The following NFATC1 variants were observed in gnomAD, a reference collection of about 807,000 sequenced individuals.
The protein encoded by NFATC1 is nuclear factor of activated T cells 1.
Under a neutral mutation model 76.0 loss-of-function variants are expected in NFATC1, and 22 were observed. The observed-to-expected ratio is 0.29, with a 90% CI of 0.21 to 0.41. The LOEUF (loss-of-function observed/expected upper bound fraction) is 0.41, where lower values mean the gene tolerates loss of function less well. Ranked by LOEUF, NFATC1 falls within the 10% of genes least tolerant of loss-of-function variation. The pLI is 1.00. For synonymous variants in NFATC1, 704 were observed against 613.1 expected (o/e 1.15, Z -2.19); for missense variants, 1,357 against 1,337.7 (o/e 1.01, Z -0.23).
intron 9 of NFATC1, among the ~76,000 whole-genome samples, chr18:79,504,700 G>A (rs1209549346): frequency 6.6e-6 from 1 of 152,290 alleles, no homozygotes; most frequent in Non-Finnish European, 1.5e-5. Context: ...AGCAGTGTCT[G>A]AAGCACAGTG....
chr18:79,419,546 C>T (rs1253751682), intron 2 of NFATC1, among the ~76,000 whole-genome samples: 3 of 144,194 alleles, frequency 2.1e-5, no homozygotes, highest in East Asian at 2.0e-4. Context: ...CCTGCCTGCC[C>T]GGGAGCCCCC....
chr18:79,424,914 G>A (rs146271798), intron 2 of NFATC1, among the ~76,000 whole-genome samples: 4 of 71,070 alleles, frequency 5.6e-5, no homozygotes, highest in African/African-American at 1.5e-4. Flanking sequence ...TTTCTCTGTC[G>A]CTCTGTCTCT....
At chr18:79,416,373 T>G (rs1485904192) in intron 2 of NFATC1, among the ~76,000 whole-genome samples, 4 of 152,188 alleles carry the variant, frequency 2.6e-5, no homozygotes, top group Non-Finnish European at 5.9e-5. Flanking sequence ...GTGGCTCTGG[T>G]ACCTGAGGGG....
At chr18:79,404,334 A>C (rs1414248405) in intron 1 of NFATC1, among the ~76,000 whole-genome samples, 1 of 152,182 alleles carries the variant, frequency 6.6e-6, no homozygotes, top group East Asian at 1.9e-4. Context: ...TCTCGCTGGC[A>C]GATTGTTGGG....
chr18:79,439,393 G>C (rs1322577128), intron 3 of NFATC1, among the ~76,000 whole-genome samples: 1 of 151,872 alleles, frequency 6.6e-6, no homozygotes, highest in Non-Finnish European at 1.5e-5. Context: ...GGACGCCGTG[G>C]GGTGGAAACT....
At position 79,528,377 on chromosome 18, in the gene NFATC1, A is replaced by G. The variant is rs1302790203; in HGVS notation, c.*800A>G. On this transcript the variant is annotated 3_prime_UTR_variant, in exon 10 of 10. Coordinates refer to ENST00000427363, the MANE Select transcript of NFATC1 (RefSeq NM_001278669.2). ...AGCCTGCATTTGCATGTGTGTACAT[A>G]TCTAGGCATCTATTTATGTATAAAT... 1.3e-5 allele frequency: 2 copies of G among 154,286 alleles called. No individual in the cohort carries two copies. Among genetic ancestry groups the G allele is most frequent in the Non-Finnish European group, 2.9e-5 (2 of 69,508 alleles). The allele number at this position is 154,286 out of a possible 1,614,324, so 9.6% of individuals were successfully genotyped here.
At chr18:79,420,390 G>C (rs868422125) in intron 2 of NFATC1, among the ~76,000 whole-genome samples, 56 of 142,602 alleles carry the variant, frequency 3.9e-4, no homozygotes, top group Non-Finnish European at 6.3e-4. Flanking sequence ...GGAGGGTCGC[G>C]TTTCCAGGCG....
rs531912377 is a variant in NFATC1, at chr18:79,472,083, C to T, written c.2092+4501C>T. Among the ~76,000 whole-genome samples, 7 of 152,040 alleles carry T rather than the reference C, an allele frequency of 4.6e-5. No homozygotes were observed. The South Asian group carries it at 8.3e-4, about 18-fold the overall frequency. On this transcript the variant is annotated intron_variant, in intron 8 of 9. Transcript: ENST00000427363. ...GGAGAGGTGTTGGTACAGAGGGAGC[C>T]GGGGTCCTGTGGCCTTGGGTCCACC...
chr18:79,472,033 T>G (rs931757850), intron 8 of NFATC1, among the ~76,000 whole-genome samples: 14 of 152,264 alleles, frequency 9.2e-5, no homozygotes, highest in African/African-American at 3.1e-4. Flanking sequence ...AATGGATTAT[T>G]AAATCCAGCA....
At chr18:79,440,697 T>C (rs1325127866) in intron 3 of NFATC1, among the ~76,000 whole-genome samples, 1 of 152,188 alleles carries the variant, frequency 6.6e-6, no homozygotes, top group Admixed American at 6.5e-5. Context: ...GTGCTGAGGG[T>C]GGCAGCCATT....
At chr18:79,490,425 A>G (rs1238667526) in intron 9 of NFATC1, among the ~76,000 whole-genome samples, 4 of 151,166 alleles carry the variant, frequency 2.6e-5, no homozygotes, top group East Asian at 3.9e-4. Context: ...GCTCTGGGTT[A>G]GGGCAGGGTG....
intron 3 of NFATC1, among the ~76,000 whole-genome samples, chr18:79,440,603 G>C (rs2086936178): frequency 6.6e-6 from 1 of 152,212 alleles, no homozygotes; most frequent in Non-Finnish European, 1.5e-5. Context: ...GCCATGGCAG[G>C]TCCCTGCCCG....
rs563133531 is a variant in NFATC1, at chr18:79,419,649, A to G, written c.1226+8148A>G. Among the ~76,000 whole-genome samples, 18 of 152,326 alleles carry G rather than the reference A, an allele frequency of 1.2e-4. No homozygotes were observed. The South Asian group carries it at 3.7e-3, about 32-fold the overall frequency. ...AGCTGGAAACCTTCCCAGGTTCCCA[A>G]TTTTGAGATTTCCTAAGCTGCCTGT... On this transcript the variant is annotated intron_variant, in intron 2 of 9. Transcript: ENST00000427363.
In NFATC1 at chr18:79,473,642, C is replaced by T. The variant is rs1039155363; in HGVS notation, c.2092+6060C>T. Among the ~76,000 whole-genome samples, 13 of 141,714 alleles carry T rather than the reference C, an allele frequency of 9.2e-5. 1 individual carries two copies. Among genetic ancestry groups the T allele is most frequent in the African/African-American group, 2.7e-5 (1 of 36,898 alleles). The allele number at this position is 141,714 out of a possible 152,430, so 93.0% of individuals were successfully genotyped here. On this transcript the variant is annotated intron_variant, in intron 8 of 9. Coordinates refer to ENST00000427363, the MANE Select transcript of NFATC1 (RefSeq NM_001278669.2). ...CTCACTGTTGACGTTGCAAGGGAAGCGTGTTCTCGCGCTCACTGTCGACGT... is the reference window on the plus strand; with the variant it reads ...CTCACTGTTGACGTTGCAAGGGAAGTGTGTTCTCGCGCTCACTGTCGACGT...
At chr18:79,517,707 G>A (rs6506773) in intron 9 of NFATC1, among the ~76,000 whole-genome samples, 7,100 of 152,276 alleles carry the variant, frequency 0.047, 257 homozygotes, top group Admixed American at 0.08. Context: ...CAAACTGTCT[G>A]GTTTGTTTAG....
intron 3 of NFATC1, 52 bp downstream of exon 3, chr18:79,433,790 A>G (rs764425996): frequency 1.9e-6 from 3 of 1,577,940 alleles, no homozygotes; most frequent in Non-Finnish European, 1.7e-6. Flanking sequence ...GTGGTCAAAA[A>G]GTAACTTTGG....
At chr18:79,478,301 C>G (rs1206624718) in intron 8 of NFATC1, among the ~76,000 whole-genome samples, 1 of 152,144 alleles carries the variant, frequency 6.6e-6, no homozygotes, top group Non-Finnish European at 1.5e-5. Flanking sequence ...CAGAAGGGGG[C>G]CCTGATCTGG....
At chr18:79,448,609 G>A in intron 3 of NFATC1, 173 bp from the exon 4 acceptor site, 1 of 661,120 alleles carries the variant, frequency 1.5e-6, no homozygotes, top group Non-Finnish European at 2.6e-6. Context: ...GGATAACAAG[G>A]CATTTTCTAA....
intron 8 of NFATC1, among the ~76,000 whole-genome samples, chr18:79,475,343 T>C (rs1419332727): frequency 6.9e-6 from 1 of 145,302 alleles, no homozygotes; most frequent in Non-Finnish European, 1.5e-5. Context: ...ACTGTCAACG[T>C]TGTGAGGGAA....
Sources: allele counts gnomAD v4.1 joint callset (sites outside exome capture counted in the v4.1 genomes callset), GRCh38; gene constraint gnomAD v4.1.1; transcripts MANE v1.5; gene names NCBI Gene and HGNC (gene_info 2026-07-23, HGNC 2026-07-21).